Variants in ZNF470 observed in about 807,000 individuals in gnomAD.
The protein encoded by ZNF470 is zinc finger protein 470, also known as chondrogenesis zinc finger protein 1.
In ZNF470, 13 loss-of-function variants were observed where a neutral mutation model predicts 13.9. The ratio of observed to expected loss-of-function variants is 0.94; its 90% CI spans 0.61 to 1.49. ZNF470 has a LOEUF of 1.49. ZNF470 is among the 40% of genes most tolerant of loss of function. The pLI, the probability that ZNF470 is intolerant of heterozygous loss-of-function variation, is 0.00. For missense variants in ZNF470, 929 were observed against 857.3 expected (o/e 1.08, Z -1.04); for synonymous variants, 293 against 282.9 (o/e 1.04, Z -0.36).
rs779677380 is a variant in ZNF470 at position 56,578,001 on chromosome 19, C to T, written c.1572C>T (p.Leu524=). ...CSKTFSQNAH[L]AQHQKIHTGE... Reference sequence around the variant, plus strand: ...AAACCTTCAGCCAGAATGCACACCTCGCGCAACATCAGAAAATACACACTG... The same window carrying T: ...AAACCTTCAGCCAGAATGCACACCTTGCGCAACATCAGAAAATACACACTG... Residue 524 remains leucine, a synonymous_variant, in exon 6 of 6, where the codon CTC becomes CTT. Transcript: ENST00000330619. 1.2e-5 allele frequency: 20 copies of T among 1,612,832 alleles called. No individual in the cohort carries two copies. The highest frequency in any genetic ancestry group is 2.2e-5 in the East Asian group (1 of 44,820).
In ZNF470 at chr19:56,568,094, GCTGT is replaced by G. The variant is rs1457390215; in HGVS notation, c.-159+59_-159+62del. The G allele has an allele frequency of 8.1e-6, 8 of 985,940 alleles. No individual in the cohort carries two copies. The East Asian group carries it at 9.1e-4, about 112-fold the overall frequency. The allele number at this position is 985,940 out of a possible 1,614,324, so 61.1% of individuals were successfully genotyped here. ...CGGAGTGGACATTGAGGTTTTGGGT[GCTGT>G]CTTTCGGGGTTCAGGTGCTGGAGGA... On this transcript the variant is annotated intron_variant, in intron 1 of 5. Coordinates refer to ENST00000330619, the MANE Select transcript of ZNF470 (RefSeq NM_001001668.4).
In ZNF470 at chr19:56,580,787, C is replaced by G; in HGVS notation, c.*2204C>G. 1 of 954,056 alleles carries G rather than the reference C, an allele frequency of 1.0e-6. No homozygotes were observed. Among genetic ancestry groups the G allele is most frequent in the South Asian group, 4.8e-5 (1 of 20,620 alleles). The allele number at this position is 954,056 out of a possible 1,614,324, so 59.1% of individuals were successfully genotyped here. A position where few individuals can be genotyped will look rare whatever the true frequency, so the allele number is the denominator to read the frequency against. On this transcript the variant is annotated 3_prime_UTR_variant, in exon 6 of 6. Transcript: ENST00000330619. ...AATGGCTAGGGGATGGGTAGTCTCA[C>G]CAGAGAATGTGGAGCTTTCAGACTC...
Position 56,577,464 on chromosome 19 carries a change from T to C in ZNF470, c.1035T>C (p.Cys345=), listed in dbSNP as rs201567590. 1 of 1,613,638 alleles carries C rather than the reference T, an allele frequency of 6.2e-7. No individual in the cohort carries two copies. Among genetic ancestry groups the C allele is most frequent in the Non-Finnish European group, 8.5e-7 (1 of 1,179,572 alleles). ...AGAAACCCTATGAATGTATTGAATG[T>C]GGGAAGGCTTTTAGTGATTGCTCAT... ...TGEKPYECIE[C]GKAFSDCSSL... is the part of the protein sequence containing the mutation. The change falls in exon 6 of 6, where the codon TGT becomes TGC. Residue 345 remains cysteine (C), a synonymous_variant. Coordinates refer to ENST00000330619, the MANE Select transcript of ZNF470 (RefSeq NM_001001668.4).
chr19:56,570,226 C>T, intron 2 of ZNF470, 54 bp from the exon 3 acceptor site: 1 of 1,343,500 alleles, frequency 7.4e-7, no homozygotes, highest in South Asian at 1.2e-5. Context: ...AAAGCATTTT[C>T]AGACTTTGAT....
chr19:56,577,989 G>A lies in ZNF470; in HGVS notation c.1560G>A (p.Gln520=). The part of the protein sequence containing the change: ...ECKECSKTFS[Q]NAHLAQHQKI... ...AGGAATGCAGCAAAACCTTCAGCCAGAATGCACACCTCGCGCAACATCAGA... is the reference window on the plus strand; with the variant it reads ...AGGAATGCAGCAAAACCTTCAGCCAAAATGCACACCTCGCGCAACATCAGA... The change falls in exon 6 of 6, where the codon CAG becomes CAA. Residue 520 remains glutamine, a synonymous_variant. Coordinates refer to ENST00000330619, the MANE Select transcript of ZNF470 (RefSeq NM_001001668.4). 3.7e-6 allele frequency: 6 copies of A among 1,613,444 alleles called. No homozygotes were observed. The highest frequency in any genetic ancestry group is 5.1e-6 in the Non-Finnish European group (6 of 1,179,496).
chr19:56,581,692 T>A lies in ZNF470; in HGVS notation c.*3109T>A. The A allele has an allele frequency of 1.0e-6, 1 of 983,416 alleles. No individual in the cohort carries two copies. Among genetic ancestry groups the A allele is most frequent in the Non-Finnish European group, 1.2e-6 (1 of 828,110 alleles). The allele number at this position is 983,416 out of a possible 1,614,324, so 60.9% of individuals were successfully genotyped here. ...CAAAAATAAAAATCAAAATATATAT[T>A]ATAGTAGGCATTTGTTTTTCTCTGC... On this transcript the variant is annotated 3_prime_UTR_variant, in exon 6 of 6. Transcript: ENST00000330619.
rs548057985 is a variant in ZNF470 at position 56,572,629 on chromosome 19, A to G, written c.61-1765A>G. Among the ~76,000 whole-genome samples the G allele has an allele frequency of 4.0e-5, 6 of 151,276 alleles. No homozygotes were observed. In the East Asian group the frequency reaches 7.8e-4, roughly 20 times the overall value. On this transcript the variant is annotated intron_variant, in intron 3 of 5. Transcript: ENST00000330619. ...CCAGACCATGGTGCGTTTACCTTCAAGAGACTCAAAACCTGCAAGTGGGTA... is the reference window on the plus strand; with the variant it reads ...CCAGACCATGGTGCGTTTACCTTCAGGAGACTCAAAACCTGCAAGTGGGTA...
Position 56,581,368 on chromosome 19 carries a change from C to A in ZNF470, c.*2785C>A. Reference sequence around the variant, plus strand: ...GTGAATGTGTGGAAACAAGGGAATTCCATTGTTGATTACATATCTATTGCT... The same window carrying A: ...GTGAATGTGTGGAAACAAGGGAATTACATTGTTGATTACATATCTATTGCT... On this transcript the variant is annotated 3_prime_UTR_variant, in exon 6 of 6. Coordinates refer to ENST00000330619, the MANE Select transcript of ZNF470 (RefSeq NM_001001668.4). The A allele has an allele frequency of 1.0e-6, 1 of 956,200 alleles. No individual in the cohort carries two copies. The highest frequency in any genetic ancestry group is 1.2e-6 in the Non-Finnish European group (1 of 803,402). 59.2% of individuals were successfully genotyped at this position (956,200 alleles called of 1,614,324 possible). A position where few individuals can be genotyped will look rare whatever the true frequency, so the allele number is the denominator to read the frequency against.
At position 56,579,184 on chromosome 19, in the gene ZNF470, G is replaced by T. The variant is rs2044516687; in HGVS notation, c.*601G>T. On this transcript the variant is annotated 3_prime_UTR_variant, in exon 6 of 6. Transcript: ENST00000330619. ...TGCCTGTAGTCCCAGCACTTTGGGAGGCTGAGGCAGGCAGATTGCTTGAGC... is the reference window on the plus strand; with the variant it reads ...TGCCTGTAGTCCCAGCACTTTGGGATGCTGAGGCAGGCAGATTGCTTGAGC... 1.0e-6 allele frequency: 1 copy of T among 974,200 alleles called. No homozygotes were observed. Among genetic ancestry groups the T allele is most frequent in the South Asian group, 4.8e-5 (1 of 21,050 alleles). The allele number at this position is 974,200 out of a possible 1,614,324, so 60.3% of individuals were successfully genotyped here.
intron 4 of ZNF470, 48 bp downstream of exon 4, chr19:56,574,568 T>A: frequency 1.9e-6 from 3 of 1,612,016 alleles, no homozygotes; most frequent in Non-Finnish European, 2.5e-6. Context: ...AGTAGTCTTT[T>A]ATGCCATTAT....
Position 56,582,357 on chromosome 19 carries a change from A to T in ZNF470, c.*3774A>T. 1.0e-6 allele frequency: 1 copy of T among 985,374 alleles called. No homozygotes were observed. Among genetic ancestry groups the T allele is most frequent in the African/African-American group, 1.7e-5 (1 of 57,360 alleles). 61.0% of individuals were successfully genotyped at this position (985,374 alleles called of 1,614,324 possible). Reference sequence around the variant, plus strand: ...CATTAAGGCAAAAAAAATTCACCTAAGGGATTTTGTATGATATTGTTGAAA... The same window carrying T: ...CATTAAGGCAAAAAAAATTCACCTATGGGATTTTGTATGATATTGTTGAAA... On this transcript the variant is annotated 3_prime_UTR_variant, in exon 6 of 6. Coordinates refer to ENST00000330619, the MANE Select transcript of ZNF470 (RefSeq NM_001001668.4).
chr19:56,570,235 A>G (rs2044441616), intron 2 of ZNF470, 45 bp from the exon 3 acceptor site: 2 of 1,416,062 alleles, frequency 1.4e-6, no homozygotes, highest in East Asian at 4.6e-5. Flanking sequence ...TCAGACTTTG[A>G]TTATTAGTGC....
chr19:56,580,587 C>T lies in ZNF470; in HGVS notation c.*2004C>T. 1 of 131,160 alleles carries T rather than the reference C, an allele frequency of 7.6e-6. No individual in the cohort carries two copies. The highest frequency in any genetic ancestry group is 1.6e-5 in the Non-Finnish European group (1 of 61,680). 8.1% of individuals were successfully genotyped at this position (131,160 alleles called of 1,614,324 possible). ...TGTCCTTTTGTAGTTATGGCCATCCCTGGAAGAGTACTTTTTTTTTTTTTT... is the reference window on the plus strand; with the variant it reads ...TGTCCTTTTGTAGTTATGGCCATCCTTGGAAGAGTACTTTTTTTTTTTTTT... On this transcript the variant is annotated 3_prime_UTR_variant, in exon 6 of 6. Transcript: ENST00000330619.
At position 56,577,701 on chromosome 19, in the gene ZNF470, T is replaced by G; in HGVS notation, c.1272T>G (p.Pro424=). ...AGAGAACTCATACTGGAGAGAGACC[T>G]TACAAATGTAATGTGTGTGGGAAGG... ...QHKRTHTGER[P]YKCNVCGKAF... The change falls in exon 6 of 6, where the codon CCT becomes CCG. Residue 424 remains proline (P), a synonymous_variant. Transcript: ENST00000330619. 6.2e-7 allele frequency: 1 copy of G among 1,610,956 alleles called. No individual in the cohort carries two copies. The highest frequency in any genetic ancestry group is 8.5e-7 in the Non-Finnish European group (1 of 1,177,658).
At chr19:56,574,278 C>A in intron 3 of ZNF470, 116 bp from the exon 4 acceptor site, 1 of 1,458,272 alleles carries the variant, frequency 6.9e-7, no homozygotes, top group Non-Finnish European at 9.6e-7. Context: ...ACCCTTAGTG[C>A]AGTTACTTAT....
rs1371756583 is a variant in ZNF470 at position 56,582,024 on chromosome 19, C to T, written c.*3441C>T. 1 of 985,208 alleles carries T rather than the reference C, an allele frequency of 1.0e-6. No homozygotes were observed. The highest frequency in any genetic ancestry group is 1.2e-6 in the Non-Finnish European group (1 of 829,924). 61.0% of individuals were successfully genotyped at this position (985,208 alleles called of 1,614,324 possible). A position where few individuals can be genotyped will look rare whatever the true frequency, so the allele number is the denominator to read the frequency against. On this transcript the variant is annotated 3_prime_UTR_variant, in exon 6 of 6. Coordinates refer to ENST00000330619, the MANE Select transcript of ZNF470 (RefSeq NM_001001668.4). Reference sequence around the variant, plus strand: ...GGTCAGTTGCTTGCAAGTAAAGAAACAATCATACAGAATTTGGTACGAAGA... The same window carrying T: ...GGTCAGTTGCTTGCAAGTAAAGAAATAATCATACAGAATTTGGTACGAAGA...
At chr19:56,570,059 G>A (rs1401052483) in intron 2 of ZNF470, 2 of 443,304 alleles carry the variant, frequency 4.5e-6, no homozygotes, top group African/African-American at 3.9e-5. Context: ...GTGGCTGATG[G>A]GGAGAGGGGG....
In ZNF470 at chr19:56,571,408, C is replaced by A. The variant is rs146332007; in HGVS notation, c.60+1037C>A. Among the ~76,000 whole-genome samples the A allele has an allele frequency of 3.4e-3, 516 of 152,104 alleles. 6 individuals carry two copies. Among genetic ancestry groups the A allele is most frequent in the African/African-American group, 0.011 (468 of 41,484 alleles). The stretch of plus-strand genomic sequence containing the variant: ...GTGGATTAAAGTTTCTCAAACTGAC[C>A]CTACCCTAGAACATTTTAAATTTTA... On this transcript the variant is annotated intron_variant, in intron 3 of 5. Transcript: ENST00000330619.
Position 56,579,286 on chromosome 19 carries a change from G to T in ZNF470, c.*703G>T. The T allele has an allele frequency of 1.8e-6, 1 of 570,506 alleles. No individual in the cohort carries two copies. Among genetic ancestry groups the T allele is most frequent in the Non-Finnish European group, 2.2e-6 (1 of 451,652 alleles). The allele number at this position is 570,506 out of a possible 1,614,324, so 35.3% of individuals were successfully genotyped here. A position where few individuals can be genotyped will look rare whatever the true frequency, so the allele number is the denominator to read the frequency against. ...AAAATACAGAAATTAGCCAGGCGTG[G>T]TGGTGCACACCTGTAGTCCTAGCTA... is the stretch of plus-strand genomic sequence containing the variant. On this transcript the variant is annotated 3_prime_UTR_variant, in exon 6 of 6. Coordinates refer to ENST00000330619, the MANE Select transcript of ZNF470 (RefSeq NM_001001668.4).
Sources: allele counts gnomAD v4.1 joint callset (sites outside exome capture counted in the v4.1 genomes callset), GRCh38; gene constraint gnomAD v4.1.1; transcripts MANE v1.5; gene names NCBI Gene and HGNC (gene_info 2026-07-23, HGNC 2026-07-21).